FER: variants seen among roughly 807,000 people sequenced by gnomAD.
The protein encoded by FER is FER tyrosine kinase, also known as tyrosine-protein kinase Fer.
In FER, 63 loss-of-function variants were observed where a neutral mutation model predicts 111.0. That is an observed-to-expected ratio of 0.57 (90% CI 0.46 to 0.70). FER has a LOEUF of 0.70. FER is among the 30% of genes least tolerant of loss of function. FER has a pLI of 0.00. For synonymous variants in FER, 327 were observed against 313.9 expected (o/e 1.04, Z -0.44); for missense variants, 914 against 954.0 (o/e 0.96, Z 0.55).
rs28405437 is a variant in FER, at chr5:108,864,823, G to A, written c.482-2944G>A. On this transcript the variant is annotated intron_variant, in intron 5 of 19. Coordinates refer to ENST00000281092, the MANE Select transcript of FER (RefSeq NM_005246.4). ...TCCAGCTTTGTTCTTTTGGCTTAGG[G>A]TTGACTTGGCAATGTGGGCTCTTTT... is the stretch of plus-strand genomic sequence containing the variant. 4.2e-3 allele frequency among the ~76,000 whole-genome samples: 637 copies of A among 152,124 alleles called. 5 individuals are homozygous for A. The highest frequency in any genetic ancestry group is 0.015 in the African/African-American group (617 of 41,518).
chr5:109,056,965 A>G (rs1172375168), intron 16 of FER, among the ~76,000 whole-genome samples: 1 of 152,178 alleles, frequency 6.6e-6, no homozygotes, highest in African/African-American at 2.4e-5. Flanking sequence ...GTTTCTATAG[A>G]AAGGCTTGGT....
chr5:108,787,793 T>A (rs1322415107), intron 2 of FER, among the ~76,000 whole-genome samples: 2 of 151,978 alleles, frequency 1.3e-5, no homozygotes, highest in Non-Finnish European at 2.9e-5. Context: ...CCCTTCTGAG[T>A]TGGGCACACA....
chr5:108,925,299 A>G (rs1004394264), intron 10 of FER, among the ~76,000 whole-genome samples: 2 of 152,012 alleles, frequency 1.3e-5, no homozygotes, highest in South Asian at 2.1e-4. Context: ...TTTTTCTTGA[A>G]CATAGGTATT....
intron 17 of FER, among the ~76,000 whole-genome samples, chr5:109,170,712 A>G (rs1757013696): frequency 6.6e-6 from 1 of 152,190 alleles, no homozygotes. Context: ...AAGGCAAGCT[A>G]GAGGATACTT....
chr5:109,129,526 G>C (rs1048539981), intron 17 of FER, among the ~76,000 whole-genome samples: 1 of 151,954 alleles, frequency 6.6e-6, no homozygotes, highest in Non-Finnish European at 1.5e-5. Context: ...CAATCAACCA[G>C]TCACTGTTAA....
At chr5:108,992,929 T>A (rs1020735263) in intron 13 of FER, among the ~76,000 whole-genome samples, 5 of 132,940 alleles carry the variant, frequency 3.8e-5, no homozygotes, top group Non-Finnish European at 6.3e-5. Flanking sequence ...GCTTCCCACA[T>A]CTCCGACGAT....
At chr5:108,800,474 C>T (rs13361128) in intron 3 of FER, among the ~76,000 whole-genome samples, 29,195 of 151,886 alleles carry the variant, frequency 0.19, 3,038 homozygotes, top group African/African-American at 0.27. Context: ...CCTCAGCTTT[C>T]TAGGGAGCTG....
At chr5:108,757,688 G>A (rs1367695486) in intron 1 of FER, among the ~76,000 whole-genome samples, 1 of 152,054 alleles carries the variant, frequency 6.6e-6, no homozygotes, top group Non-Finnish European at 1.5e-5. Context: ...CCCTTCTGTC[G>A]CACCCTCAAC....
chr5:108,809,753 G>T (rs781523118), intron 3 of FER, among the ~76,000 whole-genome samples: 9 of 151,970 alleles, frequency 5.9e-5, no homozygotes, highest in Non-Finnish European at 8.8e-5. Flanking sequence ...TGTAGAGATG[G>T]GATATTACCA....
At chr5:108,801,862 A>G (rs1756691526) in intron 3 of FER, among the ~76,000 whole-genome samples, 1 of 152,192 alleles carries the variant, frequency 6.6e-6, no homozygotes, top group Non-Finnish European at 1.5e-5. Context: ...TAAGTTAAAT[A>G]AAGGTTCCTT....
intron 3 of FER, among the ~76,000 whole-genome samples, chr5:108,816,997 G>T (rs1034560524): frequency 6.7e-6 from 1 of 149,782 alleles, no homozygotes; most frequent in Non-Finnish European, 1.5e-5. Context: ...CCAGCTACTT[G>T]GGAAGCTGAG....
chr5:108,901,873 G>A (rs1040680830), intron 10 of FER, among the ~76,000 whole-genome samples: 1 of 152,146 alleles, frequency 6.6e-6, no homozygotes, highest in African/African-American at 2.4e-5. Context: ...ATTGTTTAAG[G>A]TGTGTAGTTT....
At chr5:108,888,755 A>G (rs564049864) in intron 9 of FER, among the ~76,000 whole-genome samples, 153 of 152,016 alleles carry the variant, frequency 1.0e-3, no homozygotes, top group Non-Finnish European at 1.8e-3. Flanking sequence ...AACAAAAGGA[A>G]CATGTTCATA....
At chr5:108,781,794 C>G (rs1334759587) in intron 2 of FER, among the ~76,000 whole-genome samples, 3 of 152,124 alleles carry the variant, frequency 2.0e-5, no homozygotes, top group African/African-American at 7.2e-5. Flanking sequence ...TAGTTAGACT[C>G]TGATAGAACC....
chr5:108,764,448 A>G (rs893115712), intron 1 of FER, among the ~76,000 whole-genome samples: 3 of 152,106 alleles, frequency 2.0e-5, no homozygotes, highest in African/African-American at 7.2e-5. Flanking sequence ...CCCAGACTGC[A>G]GTGCAGTGAC....
intron 13 of FER, among the ~76,000 whole-genome samples, chr5:109,032,711 G>T (rs1769821550): frequency 6.6e-6 from 1 of 152,168 alleles, no homozygotes; most frequent in East Asian, 1.9e-4. Context: ...GGTACACTGT[G>T]ATTTCATGGG....
intron 10 of FER, among the ~76,000 whole-genome samples, chr5:108,941,165 G>A (rs185420627): frequency 6.6e-6 from 1 of 152,218 alleles, no homozygotes; most frequent in Non-Finnish European, 1.5e-5. Flanking sequence ...TTTATTTCTA[G>A]ATGAAGGAAA....
chr5:108,874,214 A>T (rs1561545446), intron 8 of FER, among the ~76,000 whole-genome samples: 1 of 152,218 alleles, frequency 6.6e-6, no homozygotes, highest in Non-Finnish European at 1.5e-5. Context: ...GCTACCTGTT[A>T]TAAGCTTATG....
intron 17 of FER, among the ~76,000 whole-genome samples, chr5:109,125,341 A>C (rs1751574016): frequency 6.6e-6 from 1 of 152,152 alleles, no homozygotes; most frequent in African/African-American, 2.4e-5. Context: ...AATCATAATC[A>C]TTGTGAAAAT....
Sources: allele counts gnomAD v4.1 joint callset (sites outside exome capture counted in the v4.1 genomes callset), GRCh38; gene constraint gnomAD v4.1.1; transcripts MANE v1.5; gene names NCBI Gene and HGNC (gene_info 2026-07-23, HGNC 2026-07-21).